The following SMOC1 variants were observed in gnomAD, a reference collection of about 807,000 sequenced individuals.
The protein encoded by SMOC1 is SPARC-related modular calcium-binding protein 1.
A neutral mutation model predicts 56.3 loss-of-function variants in SMOC1; 22 were observed. That is an observed-to-expected ratio of 0.39 (90% confidence interval 0.28 to 0.56). SMOC1 has a LOEUF of 0.56. Ranked by LOEUF, SMOC1 falls within the 20% of genes least tolerant of loss-of-function variation. SMOC1 has a pLI of 0.61. For missense variants in SMOC1, 509 were observed against 565.4 expected, an observed-to-expected ratio of 0.90 and a Z score of 1.01; for synonymous variants, 193 against 215.0, an observed-to-expected ratio of 0.90 and a Z score of 0.89.
At chr14:69,956,219 G>A (rs1883179480) in intron 3 of SMOC1, among the ~76,000 whole-genome samples, 2 of 152,218 alleles carry the variant, frequency 1.3e-5, no homozygotes, top group Admixed American at 6.5e-5. Flanking sequence ...CCATGTGTCT[G>A]TAGGCTGAAG....
At chr14:69,946,224 A>T (rs1882779526) in intron 1 of SMOC1, among the ~76,000 whole-genome samples, 1 of 152,198 alleles carries the variant, frequency 6.6e-6, no homozygotes, top group Non-Finnish European at 1.5e-5. Flanking sequence ...GATGGAGGGG[A>T]TGACTAGTCT....
intron 6 of SMOC1, among the ~76,000 whole-genome samples, 156 bp downstream of exon 6, chr14:69,992,629 A>T (rs1014123568): frequency 9.9e-5 from 15 of 152,052 alleles, no homozygotes; most frequent in African/African-American, 3.4e-4. Flanking sequence ...TAACCTTTTT[A>T]AAAAATGCAG....
At chr14:70,010,730 C>T in intron 7 of SMOC1, 24 bp from the exon 8 acceptor site, 1 of 1,613,266 alleles carries the variant, frequency 6.2e-7, no homozygotes, top group Non-Finnish European at 8.5e-7. Flanking sequence ...TGATAGTCAC[C>T]ACAGGCTGTG....
chr14:69,885,770 C>T (rs1234061474), intron 1 of SMOC1: 14 of 1,536,434 alleles, frequency 9.1e-6, no homozygotes, highest in Non-Finnish European at 1.3e-5. Context: ...GTCCCCTTTG[C>T]CAGCAGCTTT....
chr14:69,879,700 C>A lies in SMOC1; in HGVS notation c.22C>A (p.Arg8Ser). 1 of 1,579,774 alleles carries A rather than the reference C, an allele frequency of 6.3e-7. No individual in the cohort carries two copies. Residue 8 changes from arginine (R) to serine (S), a missense_variant, in exon 1 of 12, where the codon CGC (arginine) becomes AGC (serine). Transcript: ENST00000361956. ...CACCATGCTGCCCGCGCGCTGCGCCCGCCTGCTCACGCCCCACTTGCTGCT... is the reference window on the plus strand; with the variant it reads ...CACCATGCTGCCCGCGCGCTGCGCCAGCCTGCTCACGCCCCACTTGCTGCT... MLPARCA[R>S]LLTPHLLLVL...
At chr14:69,921,676 A>G (rs1188423997) in intron 1 of SMOC1, among the ~76,000 whole-genome samples, 1 of 152,102 alleles carries the variant, frequency 6.6e-6, no homozygotes, top group Non-Finnish European at 1.5e-5. Flanking sequence ...TGAGTCTTCC[A>G]TTTTTTAACA....
At chr14:69,949,648 G>A (rs1016656533) in intron 1 of SMOC1, among the ~76,000 whole-genome samples, 1 of 152,200 alleles carries the variant, frequency 6.6e-6, no homozygotes, top group African/African-American at 2.4e-5. Flanking sequence ...CAGGGTGGGA[G>A]GGAATGGAGA....
At chr14:69,902,950 C>T (rs945574698) in intron 1 of SMOC1, among the ~76,000 whole-genome samples, 4 of 152,308 alleles carry the variant, frequency 2.6e-5, no homozygotes, top group Non-Finnish European at 4.4e-5. Flanking sequence ...AGTGCAGTGG[C>T]GTGATCTCGG....
At chr14:69,921,052 C>G (rs539522195) in intron 1 of SMOC1, among the ~76,000 whole-genome samples, 2 of 152,286 alleles carry the variant, frequency 1.3e-5, no homozygotes, top group Non-Finnish European at 2.9e-5. Context: ...CGCCCAAAGC[C>G]CATGGTCCTC....
chr14:69,947,543 C>G (rs1012722029), intron 1 of SMOC1, among the ~76,000 whole-genome samples: 1 of 152,104 alleles, frequency 6.6e-6, no homozygotes, highest in Non-Finnish European at 1.5e-5. Context: ...AATTATTCTC[C>G]AGATCAGCTT....
chr14:69,921,773 T>C (rs1477884404), intron 1 of SMOC1, among the ~76,000 whole-genome samples: 2 of 152,250 alleles, frequency 1.3e-5, no homozygotes, highest in African/African-American at 2.4e-5. Flanking sequence ...ATGCTTCTTA[T>C]GTGTTCCTTT....
chr14:69,922,447 A>G (rs1420212955), intron 1 of SMOC1, among the ~76,000 whole-genome samples: 1 of 152,200 alleles, frequency 6.6e-6, no homozygotes, highest in Non-Finnish European at 1.5e-5. Flanking sequence ...TTCTGCTACA[A>G]GAACTGGCTT....
rs552642125 is a variant in SMOC1, at chr14:69,973,540, T to C, written c.379-2175T>C. Among the ~76,000 whole-genome samples, 8 of 152,250 alleles carry C rather than the reference T, an allele frequency of 5.3e-5. No homozygotes were observed. The South Asian group carries it at 1.2e-3, about 24-fold the overall frequency. ...GGATGAACATTTGGGGTAGCAACCA[T>C]GGCCATGAGATGAAGTGGGTGTGGG... On this transcript the variant is annotated intron_variant, in intron 3 of 11. Coordinates refer to ENST00000361956, the MANE Select transcript of SMOC1 (RefSeq NM_001034852.3).
intron 7 of SMOC1, among the ~76,000 whole-genome samples, chr14:69,999,258 C>T (rs1295160717): frequency 6.6e-6 from 1 of 151,622 alleles, no homozygotes; most frequent in Non-Finnish European, 1.5e-5. Context: ...GAAGTTCCTG[C>T]TGGGATAGCT....
At chr14:70,001,644 A>G (rs1031195854) in intron 7 of SMOC1, among the ~76,000 whole-genome samples, 3 of 152,130 alleles carry the variant, frequency 2.0e-5, no homozygotes, top group Non-Finnish European at 2.9e-5. Flanking sequence ...ATTCACAGGG[A>G]TAGGGCAGGA....
chr14:70,007,374 A>G (rs973331939), intron 7 of SMOC1, among the ~76,000 whole-genome samples: 2 of 152,242 alleles, frequency 1.3e-5, no homozygotes, highest in Non-Finnish European at 2.9e-5. Context: ...GAGTTCTGCA[A>G]TGGTGGATGA....
chr14:69,990,021 G>A (rs566748320), intron 5 of SMOC1, among the ~76,000 whole-genome samples: 17 of 152,274 alleles, frequency 1.1e-4, no homozygotes, highest in African/African-American at 3.4e-4. Flanking sequence ...GGACCTCCCC[G>A]TGGCAGAGCA....
At chr14:70,030,065 A>C (rs1886082710) in intron 11 of SMOC1, among the ~76,000 whole-genome samples, 177 bp from the exon 12 acceptor site, 1 of 152,220 alleles carries the variant, frequency 6.6e-6, no homozygotes, top group Admixed American at 6.5e-5. Context: ...CTCATCTGCA[A>C]GTCCAGGCAA....
At chr14:69,884,195 C>T (rs1055521065) in intron 1 of SMOC1, among the ~76,000 whole-genome samples, 6 of 152,180 alleles carry the variant, frequency 3.9e-5, no homozygotes, top group South Asian at 2.1e-4. Flanking sequence ...CGTGAGCCAC[C>T]GCGCCCGGCC....
Sources: allele counts gnomAD v4.1 joint callset (sites outside exome capture counted in the v4.1 genomes callset), GRCh38; gene constraint gnomAD v4.1.1; transcripts MANE v1.5; gene names NCBI Gene and HGNC (gene_info 2026-07-23, HGNC 2026-07-21).